The following SLC17A6 variants were observed in gnomAD, a reference collection of about 807,000 sequenced individuals.
SLC17A6 encodes solute carrier family 17 member 6.
A neutral mutation model predicts 67.1 loss-of-function variants in SLC17A6; 35 were observed. That is an observed-to-expected ratio of 0.52 (90% confidence interval 0.40 to 0.69). SLC17A6 has a LOEUF of 0.69. Ranked by LOEUF, SLC17A6 falls within the 30% of genes least tolerant of loss-of-function variation. SLC17A6 has a pLI of 0.00. For missense variants in SLC17A6, 588 were observed against 723.9 expected, an observed-to-expected ratio of 0.81 and a Z score of 2.15; for synonymous variants, 285 against 252.3, an observed-to-expected ratio of 1.13 and a Z score of -1.23.
At chr11:22,352,703 A>G (rs1444170541) in intron 3 of SLC17A6, among the ~76,000 whole-genome samples, 1 of 152,196 alleles carries the variant, frequency 6.6e-6, no homozygotes, top group Non-Finnish European at 1.5e-5. Context: ...AAGGTGATCT[A>G]CAGTAGTTTA....
intron 3 of SLC17A6, among the ~76,000 whole-genome samples, chr11:22,354,990 C>G (rs1221198829): frequency 6.6e-6 from 1 of 152,168 alleles, no homozygotes; most frequent in African/African-American, 2.4e-5. Flanking sequence ...TTCTATTTAG[C>G]CTAACAGTAA....
intron 3 of SLC17A6, among the ~76,000 whole-genome samples, chr11:22,350,897 A>G (rs1855930294): frequency 6.6e-6 from 1 of 152,158 alleles, no homozygotes; most frequent in African/African-American, 2.4e-5. Context: ...TACTGTTAAA[A>G]ATTGTGTAAT....
intron 3 of SLC17A6, among the ~76,000 whole-genome samples, chr11:22,352,772 A>G (rs1470546): frequency 0.38 from 57,210 of 151,990 alleles, 12,334 homozygotes; most frequent in East Asian, 0.65. Context: ...TGGGGGCATG[A>G]GTGAGTATTG....
At chr11:22,344,886 A>AT (rs1317445357) in intron 3 of SLC17A6, among the ~76,000 whole-genome samples, 3 of 152,054 alleles carry the variant, frequency 2.0e-5, no homozygotes, top group Admixed American at 6.6e-5. Context: ...GTCTTCACTC[A>AT]TTTTTTTCCC....
At chr11:22,364,636 A>G (rs1486654776) in intron 6 of SLC17A6, among the ~76,000 whole-genome samples, 1 of 152,146 alleles carries the variant, frequency 6.6e-6, no homozygotes, top group Admixed American at 6.5e-5. Context: ...CCCTTCTTGG[A>G]GATTGAACAG....
At chr11:22,339,184 TATA>T (rs1564976568) in intron 1 of SLC17A6, among the ~76,000 whole-genome samples, 837 of 32,180 alleles carry the variant, frequency 0.026, 97 homozygotes, top group African/African-American at 0.084. Context: ...ATATGTTTTA[TATA>T]TATATATATA....
intron 9 of SLC17A6, among the ~76,000 whole-genome samples, chr11:22,375,697 C>T (rs1856225479): frequency 6.6e-6 from 1 of 152,040 alleles, no homozygotes; most frequent in African/African-American, 2.4e-5. Flanking sequence ...TCAGACTGGC[C>T]TCGAACTCCT....
intron 3 of SLC17A6, among the ~76,000 whole-genome samples, chr11:22,359,097 G>C (rs946462477): frequency 1.3e-5 from 2 of 152,138 alleles, no homozygotes; most frequent in Admixed American, 1.3e-4. Context: ...GAATGAAATA[G>C]AGTCCAAAAC....
chr11:22,341,565 G>T lies in SLC17A6; in HGVS notation c.124G>T (p.Glu42Ter), dbSNP rs1171772651. 1.3e-5 allele frequency: 21 copies of T among 1,613,906 alleles called. No homozygotes were observed. Among genetic ancestry groups the T allele is most frequent in the Non-Finnish European group, 1.5e-5 (18 of 1,180,038 alleles). ...GAAGCAAGACACCGGGGAGACAATC[G>T]AGCTGACGGAGGATGGGAAGCCCCT... ...EKKQDTGETI[E>*]LTEDGKPLEV... Residue 42 changes from glutamate to a stop codon, truncating the protein, a stop_gained, in exon 2 of 12, where the codon GAG (glutamate) becomes TAG (stop). Coordinates refer to ENST00000263160, the MANE Select transcript of SLC17A6 (RefSeq NM_020346.3). LOFTEE classifies it high-confidence loss of function.
rs188691249 is a variant in SLC17A6 at position 22,359,596 on chromosome 11, C to T, written c.573+69C>T. The T allele has an allele frequency of 3.0e-4, 263 of 879,378 alleles. No individual in the cohort carries two copies. In the African/African-American group the frequency reaches 4.1e-3, roughly 14 times the overall value. 54.5% of individuals were successfully genotyped at this position (879,378 alleles called of 1,614,324 possible). A position where few individuals can be genotyped will look rare whatever the true frequency, so the allele number is the denominator to read the frequency against. ...TTGAGAACCACCAGTTTATCTTTGT[C>T]TTTATCTGTAAATAAATATATTGTA... is the stretch of plus-strand genomic sequence containing the variant. On this transcript the variant is annotated intron_variant, in intron 4 of 11. Coordinates refer to ENST00000263160, the MANE Select transcript of SLC17A6 (RefSeq NM_020346.3).
At chr11:22,348,554 G>T (rs886627315) in intron 3 of SLC17A6, among the ~76,000 whole-genome samples, 4 of 152,132 alleles carry the variant, frequency 2.6e-5, no homozygotes, top group African/African-American at 4.8e-5. Context: ...TTTCTGCCAC[G>T]CAGACACCTT....
intron 3 of SLC17A6, among the ~76,000 whole-genome samples, chr11:22,345,160 T>G (rs1269429556): frequency 2.0e-5 from 3 of 152,112 alleles, no homozygotes; most frequent in African/African-American, 7.2e-5. Context: ...GCTCCAGCTT[T>G]TCCTCTTTGT....
intron 5 of SLC17A6, 53 bp from the exon 6 acceptor site, chr11:22,362,686 A>G: frequency 7.1e-7 from 1 of 1,415,974 alleles, no homozygotes; most frequent in Non-Finnish European, 1.0e-6. Flanking sequence ...AGATGATATC[A>G]ATAATTTCTA....
Position 22,338,467 on chromosome 11 carries a change from G to T in SLC17A6, c.-67G>T, listed in dbSNP as rs921734050. 24 of 1,149,664 alleles carry T rather than the reference G, an allele frequency of 2.1e-5. No homozygotes were observed. Among genetic ancestry groups the T allele is most frequent in the African/African-American group, 2.0e-4 (13 of 65,190 alleles). 71.2% of individuals were successfully genotyped at this position (1,149,664 alleles called of 1,614,324 possible). ...ACTTTAAGAGATTAAGACAATATGC[G>T]CAATCCTCGCCTTTCCTAGCAATCA... On this transcript the variant is annotated 5_prime_UTR_variant, in exon 1 of 12. Coordinates refer to ENST00000263160, the MANE Select transcript of SLC17A6 (RefSeq NM_020346.3).
chr11:22,355,107 C>G (rs1855982001), intron 3 of SLC17A6, among the ~76,000 whole-genome samples: 1 of 151,972 alleles, frequency 6.6e-6, no homozygotes, highest in African/African-American at 2.4e-5. Flanking sequence ...TCAAATAACT[C>G]ATAGGTTCTG....
intron 7 of SLC17A6, among the ~76,000 whole-genome samples, chr11:22,369,351 C>T (rs569844162): frequency 1.3e-5 from 2 of 151,956 alleles, no homozygotes; most frequent in African/African-American, 4.8e-5. Flanking sequence ...ATGTTGAATG[C>T]TTTGAATATT....
rs147399450 is a variant in SLC17A6 at position 22,365,259 on chromosome 11, G to A, written c.749-288G>A. 7.2e-5 allele frequency among the ~76,000 whole-genome samples: 11 copies of A among 152,128 alleles called. No individual in the cohort carries two copies. In the East Asian group the frequency reaches 7.7e-4, roughly 11 times the overall value. Reference sequence around the variant, plus strand: ...AGAATGCTAACTGCTAAGTATTGTCGGATGAATGAATACCTTCCAAACTAC... The same window carrying A: ...AGAATGCTAACTGCTAAGTATTGTCAGATGAATGAATACCTTCCAAACTAC... On this transcript the variant is annotated intron_variant, in intron 6 of 11. Transcript: ENST00000263160.
intron 11 of SLC17A6, among the ~76,000 whole-genome samples, chr11:22,376,909 C>A (rs1212232746): frequency 6.6e-6 from 1 of 152,060 alleles, no homozygotes; most frequent in Non-Finnish European, 1.5e-5. Flanking sequence ...AATTCTAATA[C>A]CCCTGATGTG....
chr11:22,341,622 G>T lies in SLC17A6; in HGVS notation c.181G>T (p.Asp61Tyr), dbSNP rs779345266. Residue 61 changes from aspartate to tyrosine, a missense_variant, in exon 2 of 12, where the codon GAC becomes TAC. Around this residue, in one of 4 missense-constraint regions of SLC17A6, gnomAD observed 117 missense variants for 98.7 expected, o/e 1.19. Coordinates refer to ENST00000263160, the MANE Select transcript of SLC17A6 (RefSeq NM_020346.3). Reference protein sequence around the residue: ...EVPERKAPLCDCTCFGLPRRY... With the variant: ...EVPERKAPLCYCTCFGLPRRY... ...GCCCGAGAGGAAGGCGCCGCTGTGC[G>T]ACTGCACGTGCTTCGGCCTGCCCCG... is the stretch of plus-strand genomic sequence containing the variant. 7 of 1,613,902 alleles carry T rather than the reference G, an allele frequency of 4.3e-6. No homozygotes were observed. The African/African-American group carries it at 8.0e-5, about 18-fold the overall frequency.
Sources: gnomAD v4.1 joint callset for allele counts (sites outside exome capture counted in the v4.1 genomes callset) on GRCh38, gnomAD v4.1.1 for gene constraint, gnomAD v4.1.1 regional missense constraint, MANE v1.5 for transcripts, NCBI Gene and HGNC (gene_info 2026-07-23, HGNC 2026-07-21) for gene names.